The following SMG6 variants were observed in gnomAD, a reference collection of about 807,000 sequenced individuals.
SMG6 encodes the protein SMG6 nonsense mediated mRNA decay factor.
In SMG6, 66 loss-of-function variants were observed where a neutral mutation model predicts 142.2. The observed-to-expected ratio is 0.46, with a 90% CI of 0.38 to 0.57. SMG6 has a LOEUF of 0.57. Ranked by LOEUF, SMG6 falls within the 20% of genes least tolerant of loss-of-function variation. The pLI is 0.00. For missense variants in SMG6, 1,793 were observed against 1,832.0 expected, an observed-to-expected ratio of 0.98 and a Z score of 0.39; for synonymous variants, 779 against 702.4, an observed-to-expected ratio of 1.11 and a Z score of -1.72.
intron 8 of SMG6, among the ~76,000 whole-genome samples, chr17:2,251,267 T>G (rs1296077369): frequency 5.3e-5 from 8 of 149,634 alleles, no homozygotes; most frequent in Non-Finnish European, 1.0e-4. Flanking sequence ...GATATACAGA[T>G]TAAAAAAAAA....
At chr17:2,074,111 C>CT (rs1440165845) in intron 15 of SMG6, among the ~76,000 whole-genome samples, 1 of 152,154 alleles carries the variant, frequency 6.6e-6, no homozygotes, top group Non-Finnish European at 1.5e-5. Flanking sequence ...GAGTCTAACT[C>CT]TGTCACTCAG....
At position 2,091,680 on chromosome 17, in the gene SMG6, T is replaced by C. The variant is rs951668145; in HGVS notation, c.3358-5779A>G. Among the ~76,000 whole-genome samples the C allele has an allele frequency of 1.5e-3, 218 of 149,914 alleles. 4 individuals carry two copies. Among genetic ancestry groups the C allele is most frequent in the Non-Finnish European group, 8.8e-4 (60 of 67,856 alleles). On this transcript the variant is annotated intron_variant, in intron 13 of 18. Transcript: ENST00000263073. ...ACTTTCTCAGTCTTTTTGCTTTTTTTTTTTTTTTGAGAGAGAGTCTCGCTC... is the reference window on the plus strand; with the variant it reads ...ACTTTCTCAGTCTTTTTGCTTTTTTCTTTTTTTTGAGAGAGAGTCTCGCTC...
intron 10 of SMG6, among the ~76,000 whole-genome samples, chr17:2,212,987 T>C (rs917449923): frequency 6.6e-6 from 1 of 152,260 alleles, no homozygotes. Flanking sequence ...TATCTGTTAT[T>C]TCTTGCTGAA....
chr17:2,128,734 G>C, intron 13 of SMG6, among the ~76,000 whole-genome samples: 1 of 146,556 alleles, frequency 6.8e-6, no homozygotes, highest in Non-Finnish European at 1.5e-5. Context: ...TGAGACAGGA[G>C]AATCACTTGA....
intron 13 of SMG6, chr17:2,087,593 T>C (rs1170309832): frequency 1.0e-6 from 1 of 1,001,206 alleles, no homozygotes; most frequent in Admixed American, 5.5e-5. Context: ...CCCCTTGAGC[T>C]TGGGGTGCCT....
intron 4 of SMG6, among the ~76,000 whole-genome samples, chr17:2,296,797 C>G (rs565895045): frequency 5.3e-5 from 8 of 152,192 alleles, no homozygotes; most frequent in Admixed American, 1.3e-4. Flanking sequence ...AGTTCGAGAC[C>G]AGCCTGGGCA....
chr17:2,077,580 G>A (rs979621396), intron 15 of SMG6, among the ~76,000 whole-genome samples: 2 of 152,230 alleles, frequency 1.3e-5, no homozygotes, highest in African/African-American at 2.4e-5. Flanking sequence ...CCAGGCAGGA[G>A]GGCCTTAGTG....
intron 10 of SMG6, among the ~76,000 whole-genome samples, chr17:2,230,186 C>CCA (rs2073433310): frequency 1.2e-4 from 1 of 8,192 alleles, no homozygotes; most frequent in Non-Finnish European, 3.0e-4. Flanking sequence ...ACTCCGTCTC[C>CCA]AAAAAAAAAA....
intron 10 of SMG6, 22 bp downstream of exon 10, chr17:2,236,470 G>A (rs756780982): frequency 6.2e-7 from 1 of 1,606,432 alleles, no homozygotes; most frequent in Non-Finnish European, 8.5e-7. Context: ...TATTCTAGAT[G>A]AAGAAACTAA....
At chr17:2,087,003 C>T in intron 13 of SMG6, 1 of 1,288,610 alleles carries the variant, frequency 7.8e-7, no homozygotes, top group Non-Finnish European at 1.0e-6. Flanking sequence ...TTTAATGCAT[C>T]CTCGTTTCTT....
chr17:2,098,439 T>C (rs961138487), intron 13 of SMG6, among the ~76,000 whole-genome samples: 1 of 152,208 alleles, frequency 6.6e-6, no homozygotes, highest in Non-Finnish European at 1.5e-5. Flanking sequence ...AGAAATCCGA[T>C]TATTTACCAT....
intron 10 of SMG6, among the ~76,000 whole-genome samples, chr17:2,227,912 G>T (rs2073363667): frequency 6.6e-6 from 1 of 152,090 alleles, no homozygotes; most frequent in African/African-American, 2.4e-5. Context: ...TAAGATTACT[G>T]CAATGAAAAT....
chr17:2,081,830 G>C lies in SMG6; in HGVS notation c.3661C>G (p.Arg1221Gly). 9 of 1,613,662 alleles carry C rather than the reference G, an allele frequency of 5.6e-6. No homozygotes were observed. Among genetic ancestry groups the C allele is most frequent in the Non-Finnish European group, 7.6e-6 (9 of 1,180,024 alleles). Residue 1221 changes from arginine (R) to glycine (G), a missense_variant, in exon 15 of 19, where the codon CGT (arginine) becomes GGT (glycine). By Grantham distance (125) the Arg-to-Gly change is moderately radical (BLOSUM62 -2). Coordinates refer to ENST00000263073, the MANE Select transcript of SMG6 (RefSeq NM_017575.5). Reference sequence around the variant, plus strand: ...TTCACCTGGATCTTTTCCTGGCGACGCTGCTGCTCAGCTATCTTCCTGGCC... The same window carrying C: ...TTCACCTGGATCTTTTCCTGGCGACCCTGCTGCTCAGCTATCTTCCTGGCC... ...ALARKIAEQQRRQEKIQAVLE... is the reference protein window; with the variant it reads ...ALARKIAEQQGRQEKIQAVLE...
chr17:2,128,047 TGCTC>T, intron 13 of SMG6: 1 of 414,762 alleles, frequency 2.4e-6, no homozygotes, highest in Non-Finnish European at 4.7e-6. Context: ...ATCTCTCCTG[TGCTC>T]CAGCTGCAGG....
chr17:2,119,630 G>T (rs771912333), intron 13 of SMG6, among the ~76,000 whole-genome samples: 1 of 151,976 alleles, frequency 6.6e-6, no homozygotes, highest in East Asian at 1.9e-4. Context: ...CTCCTGAGTA[G>T]TTGGGATTAC....
intron 13 of SMG6, among the ~76,000 whole-genome samples, chr17:2,150,728 T>C (rs1000144294): frequency 1.3e-5 from 2 of 152,246 alleles, no homozygotes; most frequent in African/African-American, 4.8e-5. Context: ...GATCTCTGCC[T>C]ATACAAAGTA....
Position 2,085,774 on chromosome 17 carries a change from G to A in SMG6, c.3485C>T (p.Thr1162Ile). ...KYVSVAPVPD[T>I]MGKEMGSQEG... ...TTGGCTTCCCATTTCCTTTCCCATGGTGTCTGGGACGGGTGCCACTGACAC... is the reference window on the plus strand; with the variant it reads ...TTGGCTTCCCATTTCCTTTCCCATGATGTCTGGGACGGGTGCCACTGACAC... Residue 1162 changes from threonine to isoleucine, a missense_variant, in exon 14 of 19, where the codon ACC (threonine) becomes ATC (isoleucine). Physicochemically the swap from Thr to Ile is moderately conservative, Grantham distance 89. Around this residue, in one of 3 missense-constraint regions of SMG6, gnomAD observed 1,597 missense variants for 1,584.6 expected, o/e 1.01. Coordinates refer to ENST00000263073, the MANE Select transcript of SMG6 (RefSeq NM_017575.5). The surrounding 1 kb of genome is among the most constrained non-coding windows in gnomAD (Gnocchi z 4.1). The A allele has an allele frequency of 1.2e-6, 2 of 1,614,086 alleles. No individual in the cohort carries two copies. Among genetic ancestry groups the A allele is most frequent in the South Asian group, 1.1e-5 (1 of 91,068 alleles).
chr17:2,223,592 T>C (rs2073237386), intron 10 of SMG6, among the ~76,000 whole-genome samples: 1 of 152,198 alleles, frequency 6.6e-6, no homozygotes, highest in Non-Finnish European at 1.5e-5. Context: ...TAATGTGATG[T>C]AGCTGAAACA....
At chr17:2,179,796 T>G (rs974451691) in intron 12 of SMG6, among the ~76,000 whole-genome samples, 1 of 152,124 alleles carries the variant, frequency 6.6e-6, no homozygotes, top group African/African-American at 2.4e-5. Flanking sequence ...TTGGCACTGG[T>G]TCTATTTTCC....
Sources: gnomAD v4.1 joint callset for allele counts (sites outside exome capture counted in the v4.1 genomes callset) on GRCh38, gnomAD v4.1.1 for gene constraint, gnomAD v4.1.1 regional missense constraint, Gnocchi (gnomAD v3.1) non-coding constraint, MANE v1.5 for transcripts, NCBI Gene and HGNC (gene_info 2026-07-23, HGNC 2026-07-21) for gene names.